PSMB7: variants seen among roughly 807,000 people sequenced by gnomAD.
The protein encoded by PSMB7 is proteasome subunit beta type-7.
A neutral mutation model predicts 28.1 loss-of-function variants in PSMB7; 5 were observed. The ratio of observed to expected loss-of-function variants is 0.18; its 90% CI spans 0.09 to 0.37. The LOEUF (loss-of-function observed/expected upper bound fraction) is 0.37, where lower values mean the gene tolerates loss of function less well. Among genes scored for constraint, PSMB7 ranks in the 10% least tolerant of loss-of-function variants. The probability of loss-of-function intolerance (pLI) is 1.00; values close to 1 mark genes in which losing one functional copy is unlikely to be tolerated. For missense variants in PSMB7, 275 were observed against 346.2 expected, an observed-to-expected ratio of 0.79 and a Z score of 1.63; for synonymous variants, 122 against 123.7, an observed-to-expected ratio of 0.99 and a Z score of 0.09.
intron 5 of PSMB7, among the ~76,000 whole-genome samples, chr9:124,394,026 G>A (rs1287481467): frequency 6.6e-6 from 1 of 152,210 alleles, no homozygotes; most frequent in African/African-American, 2.4e-5. Flanking sequence ...GTGGGAGCTG[G>A]CAAGTCTCTT....
intron 7 of PSMB7, among the ~76,000 whole-genome samples, chr9:124,354,026 C>A (rs1326545699): frequency 6.6e-6 from 1 of 152,230 alleles, no homozygotes; most frequent in Non-Finnish European, 1.5e-5. Context: ...CAATCTTCAA[C>A]CTCCCTACAA....
At chr9:124,415,088 C>A in intron 1 of PSMB7, 153 bp from the exon 2 acceptor site, 2 of 635,832 alleles carry the variant, frequency 3.1e-6, no homozygotes, top group East Asian at 2.7e-5. Context: ...ACTGTTCTCC[C>A]GTTTTCCAAC....
At position 124,411,524 on chromosome 9, in the gene PSMB7, A is replaced by C. The variant is rs561368718; in HGVS notation, c.395+828T>G. On this transcript the variant is annotated intron_variant, in intron 4 of 7. Coordinates refer to ENST00000259457, the MANE Select transcript of PSMB7 (RefSeq NM_002799.4). ...ATTTGTTAAAGGTAAGGCAAGTCCC[A>C]AAAGGAGAAGCCAGTATTCCAACCC... Among the ~76,000 whole-genome samples the C allele has an allele frequency of 2.6e-5, 4 of 152,378 alleles. No individual in the cohort carries two copies. In the South Asian group the frequency reaches 8.3e-4, roughly 32 times the overall value.
At chr9:124,415,096 A>C in intron 1 of PSMB7, 161 bp from the exon 2 acceptor site, 1 of 635,248 alleles carries the variant, frequency 1.6e-6, no homozygotes, top group South Asian at 2.0e-5. Context: ...CCCGTTTTCC[A>C]ACGAAGACAG....
intron 6 of PSMB7, among the ~76,000 whole-genome samples, chr9:124,371,271 T>C (rs1830559431): frequency 6.6e-6 from 1 of 152,242 alleles, no homozygotes; most frequent in African/African-American, 2.4e-5. Context: ...CTTATAAGAT[T>C]CTAAGCTACA....
At chr9:124,401,195 A>G (rs1332953881) in intron 5 of PSMB7, among the ~76,000 whole-genome samples, 1 of 152,250 alleles carries the variant, frequency 6.6e-6, no homozygotes, top group East Asian at 1.9e-4. Context: ...TCTTTGTCCC[A>G]CTTGAATGTT....
chr9:124,363,292 G>A (rs1830479404), intron 6 of PSMB7, among the ~76,000 whole-genome samples: 1 of 152,212 alleles, frequency 6.6e-6, no homozygotes, highest in Non-Finnish European at 1.5e-5. Context: ...TGTTTGTTGG[G>A]GGCCTGCTGA....
chr9:124,409,724 T>C (rs6478662), intron 4 of PSMB7, among the ~76,000 whole-genome samples: 150,941 of 152,338 alleles, frequency 0.99, 74,786 homozygotes, highest in East Asian at 1. Flanking sequence ...AAAAGTCAGA[T>C]AGACAGAAAC....
chr9:124,412,637 C>G, intron 3 of PSMB7, 145 bp from the exon 4 acceptor site: 1 of 782,894 alleles, frequency 1.3e-6, no homozygotes, highest in Non-Finnish European at 1.9e-6. Flanking sequence ...TCTGTTTAGT[C>G]AACCTTAAAT....
At chr9:124,373,602 T>C (rs1254860295) in intron 6 of PSMB7, among the ~76,000 whole-genome samples, 1 of 152,194 alleles carries the variant, frequency 6.6e-6, no homozygotes, top group African/African-American at 2.4e-5. Flanking sequence ...AATGTTTCAA[T>C]TGTCCCATCT....
chr9:124,413,772 G>A, intron 3 of PSMB7, 136 bp downstream of exon 3: 1 of 603,894 alleles, frequency 1.7e-6, no homozygotes, highest in South Asian at 2.1e-5. Context: ...TAGGTAACAG[G>A]TGGCTGGAAA....
intron 1 of PSMB7, 101 bp downstream of exon 1, chr9:124,415,263 G>C: frequency 7.6e-7 from 1 of 1,308,416 alleles, no homozygotes; most frequent in Non-Finnish European, 1.1e-6. Context: ...GCCCCGCCAT[G>C]AATTCTTCCC....
At chr9:124,376,861 C>T (rs931356144) in intron 6 of PSMB7, among the ~76,000 whole-genome samples, 3 of 152,184 alleles carry the variant, frequency 2.0e-5, no homozygotes, top group East Asian at 3.8e-4. Context: ...GACCTCCCTA[C>T]GGCCCAATTT....
intron 3 of PSMB7, 131 bp from the exon 4 acceptor site, chr9:124,412,623 C>T (rs769865519): frequency 2.3e-5 from 20 of 882,262 alleles, no homozygotes; most frequent in Non-Finnish European, 3.2e-5. Context: ...TATGCTGTAA[C>T]TTCTCTGTTT....
rs187507482 is a variant in PSMB7 at position 124,380,516 on chromosome 9, G to T, written c.570+4082C>A. On this transcript the variant is annotated intron_variant, in intron 6 of 7. Coordinates refer to ENST00000259457, the MANE Select transcript of PSMB7 (RefSeq NM_002799.4). ...TGGTCATGCCACTGCACTCCAGCCT[G>T]GGCAACAGAGCAAGATCCTGTCTTA... 7.2e-5 allele frequency among the ~76,000 whole-genome samples: 11 copies of T among 152,192 alleles called. No homozygotes were observed. In the East Asian group the frequency reaches 1.9e-3, roughly 27 times the overall value.
chr9:124,371,641 A>T (rs6478660), intron 6 of PSMB7, among the ~76,000 whole-genome samples: 73,716 of 152,080 alleles, frequency 0.48, 18,517 homozygotes, highest in Non-Finnish European at 0.56. Flanking sequence ...TAAAGGAAGG[A>T]TTTTTAGTGC....
At chr9:124,359,842 A>G (rs1312577054) in intron 6 of PSMB7, among the ~76,000 whole-genome samples, 5 of 152,156 alleles carry the variant, frequency 3.3e-5, no homozygotes, top group Non-Finnish European at 4.4e-5. Context: ...TTCATTCTCA[A>G]CCAAGTTAGG....
At chr9:124,363,982 G>A (rs1009166790) in intron 6 of PSMB7, among the ~76,000 whole-genome samples, 17 of 152,114 alleles carry the variant, frequency 1.1e-4, no homozygotes, top group African/African-American at 3.4e-4. Context: ...AGTGCCCTTC[G>A]TAAGTATGAG....
At chr9:124,376,035 C>T (rs1051574029) in intron 6 of PSMB7, among the ~76,000 whole-genome samples, 1 of 152,098 alleles carries the variant, frequency 6.6e-6, no homozygotes, top group East Asian at 1.9e-4. Context: ...AGCTCAGAGT[C>T]GCACAGATGC....
Sources: allele counts gnomAD v4.1 joint callset (sites outside exome capture counted in the v4.1 genomes callset), GRCh38; gene constraint gnomAD v4.1.1; transcripts MANE v1.5; gene names NCBI Gene and HGNC (gene_info 2026-07-23, HGNC 2026-07-21).